The following MAMLD1 variants were observed in gnomAD, a reference collection of about 807,000 sequenced individuals.
The protein encoded by MAMLD1 is mastermind-like domain-containing protein 1.
In MAMLD1, 14 loss-of-function variants were observed where a neutral mutation model predicts 45.0. The ratio of observed to expected loss-of-function variants is 0.31; its 90% CI spans 0.21 to 0.49. The LOEUF (loss-of-function observed/expected upper bound fraction) is 0.49. MAMLD1 is among the 20% of genes least tolerant of loss of function. MAMLD1 has a pLI of 0.99. For missense variants in MAMLD1, 543 were observed against 603.6 expected (o/e 0.90, Z 1.05); for synonymous variants, 254 against 247.8 (o/e 1.02, Z -0.24).
chrX:150,474,170 C>G (rs1347472317), intron 5 of MAMLD1, among the ~76,000 whole-genome samples: 2 of 111,754 alleles, frequency 1.8e-5, no homozygotes, highest in East Asian at 5.7e-4. Flanking sequence ...CATTTTAATC[C>G]TCAGAGGCAG....
At chrX:150,369,682 G>A (rs1160869644) in intron 1 of MAMLD1, among the ~76,000 whole-genome samples, 3 of 111,937 alleles carry the variant, frequency 2.7e-5, no homozygotes, top group Non-Finnish European at 1.9e-5. Flanking sequence ...GAGTAGACTG[G>A]CATATTTCCA....
At chrX:150,423,896 G>A (rs1224562898) in intron 1 of MAMLD1, among the ~76,000 whole-genome samples, 1 of 112,295 alleles carries the variant, frequency 8.9e-6, no homozygotes, top group Non-Finnish European at 1.9e-5. Context: ...TTATAGCATA[G>A]GAAAAGATGA....
chrX:150,461,677 G>A lies in MAMLD1; in HGVS notation c.97-1095G>A, dbSNP rs5969852. On this transcript the variant is annotated intron_variant, in intron 2 of 7. Transcript: ENST00000370401. ...AGGCCCCTTGCTGAAGTGCTGCATG[G>A]GACGGAGAAGACCAAACCAATTGGA... 1.2e-3 allele frequency among the ~76,000 whole-genome samples: 130 copies of A among 111,602 alleles called. 1 individual carries two copies. Among genetic ancestry groups the A allele is most frequent in the African/African-American group, 3.9e-3 (120 of 30,695 alleles).
chrX:150,403,992 G>GAA (rs1442737805), intron 1 of MAMLD1, among the ~76,000 whole-genome samples: 5 of 93,305 alleles, frequency 5.4e-5, no homozygotes, highest in Admixed American at 1.2e-4. Flanking sequence ...AAGAAAGAAA[G>GAA]AAAGAAGAAA....
intron 5 of MAMLD1, among the ~76,000 whole-genome samples, chrX:150,478,633 A>G (rs922846193): frequency 8.9e-6 from 1 of 112,683 alleles, no homozygotes; most frequent in Admixed American, 9.4e-5. Flanking sequence ...TCCACCAGTC[A>G]AATGATAAGT....
chrX:150,412,422 T>C (rs1184842805), intron 1 of MAMLD1, among the ~76,000 whole-genome samples: 1 of 110,965 alleles, frequency 9.0e-6, no homozygotes, highest in Non-Finnish European at 1.9e-5. Context: ...CATCAGGCTC[T>C]TTCCCTTCTT....
intron 1 of MAMLD1, among the ~76,000 whole-genome samples, chrX:150,367,868 G>A (rs1370004164): frequency 9.0e-6 from 1 of 111,529 alleles, no homozygotes; most frequent in African/African-American, 3.3e-5. Flanking sequence ...CTTCATCCAT[G>A]TCCCTACAAA....
intron 1 of MAMLD1, among the ~76,000 whole-genome samples, chrX:150,442,806 G>C (rs1263239153): frequency 9.0e-6 from 1 of 111,393 alleles, no homozygotes; most frequent in Non-Finnish European, 1.9e-5. Flanking sequence ...TCTGCTTAGA[G>C]AATTTTCTTT....
rs56066792 is a variant in MAMLD1, at chrX:150,507,023, C to T, written c.2285-2939C>T. On this transcript the variant is annotated intron_variant, in intron 6 of 7. Coordinates refer to ENST00000370401, the MANE Select transcript of MAMLD1 (RefSeq NM_005491.5). ...GGGTGTGACAGAGGAAGAGCTGGGC[C>T]TTAGTTCTCTGGGGGTCACCATGAG... is the stretch of plus-strand genomic sequence containing the variant. Among the ~76,000 whole-genome samples, 7 of 111,954 alleles carry T rather than the reference C, an allele frequency of 6.3e-5. No homozygotes were observed. The Admixed American group carries it at 6.6e-4, about 11-fold the overall frequency.
intron 1 of MAMLD1, among the ~76,000 whole-genome samples, chrX:150,365,435 G>A (rs1050639592): frequency 4.4e-5 from 5 of 113,042 alleles, no homozygotes; most frequent in Non-Finnish European, 7.5e-5. Context: ...GCTGGCGGGC[G>A]CGCGCAGAGG....
At chrX:150,403,504 T>C (rs1402247683) in intron 1 of MAMLD1, among the ~76,000 whole-genome samples, 2 of 111,987 alleles carry the variant, frequency 1.8e-5, no homozygotes, top group East Asian at 5.6e-4. Context: ...CTTGAAATCA[T>C]ATTTTTGTAC....
intron 5 of MAMLD1, among the ~76,000 whole-genome samples, chrX:150,488,499 C>T (rs1328784294): frequency 8.9e-6 from 1 of 112,798 alleles, no homozygotes; most frequent in Non-Finnish European, 1.9e-5. Context: ...ATCACCATTG[C>T]TATAATTCTC....
At chrX:150,402,922 T>G (rs1439725755) in intron 1 of MAMLD1, among the ~76,000 whole-genome samples, 10 of 109,261 alleles carry the variant, frequency 9.2e-5, no homozygotes, top group African/African-American at 3.4e-4. Context: ...GGGACTGTTG[T>G]GGGGTGGGGG....
At chrX:150,428,036 G>A (rs782199704) in intron 1 of MAMLD1, among the ~76,000 whole-genome samples, 14 of 111,097 alleles carry the variant, frequency 1.3e-4, no homozygotes, top group East Asian at 8.6e-4. Flanking sequence ...GCAAGAGGTC[G>A]TAGATAATGT....
chrX:150,365,741 C>G (rs2031387898), intron 1 of MAMLD1, among the ~76,000 whole-genome samples: 1 of 112,654 alleles, frequency 8.9e-6, no homozygotes. Flanking sequence ...TTTGGAGGCG[C>G]GGAGGCAGTG....
At chrX:150,402,951 T>C (rs989936675) in intron 1 of MAMLD1, among the ~76,000 whole-genome samples, 3 of 110,304 alleles carry the variant, frequency 2.7e-5, no homozygotes, top group African/African-American at 9.9e-5. Flanking sequence ...AGGGATGGCA[T>C]TGGGAGATAT....
intron 5 of MAMLD1, among the ~76,000 whole-genome samples, chrX:150,496,624 A>G (rs1383570072): frequency 8.9e-6 from 1 of 112,212 alleles, no homozygotes; most frequent in Admixed American, 9.4e-5. Flanking sequence ...GTTGTTGGCT[A>G]CTAAAACTCT....
chrX:150,453,388 A>G lies in MAMLD1; in HGVS notation c.96+7776A>G, dbSNP rs139594151. On this transcript the variant is annotated intron_variant, in intron 2 of 7. Transcript: ENST00000370401. ...AGAAGTTTGCCAACACTTGGTCTGT[A>G]TCACTGGGCATTTGGTTCATTTGTT... Among the ~76,000 whole-genome samples, 311 of 111,933 alleles carry G rather than the reference A, an allele frequency of 2.8e-3. 2 individuals are homozygous for G. Among genetic ancestry groups the G allele is most frequent in the African/African-American group, 9.4e-3 (291 of 30,803 alleles).
intron 1 of MAMLD1, among the ~76,000 whole-genome samples, chrX:150,429,842 C>A (rs1281574941): frequency 3.7e-5 from 4 of 109,206 alleles, no homozygotes; most frequent in African/African-American, 1.3e-4. Flanking sequence ...TTTAGCTTAG[C>A]CACTCTGTTA....
Sources: allele counts gnomAD v4.1 joint callset (sites outside exome capture counted in the v4.1 genomes callset), GRCh38; gene constraint gnomAD v4.1.1; transcripts MANE v1.5; gene names NCBI Gene and HGNC (gene_info 2026-07-23, HGNC 2026-07-21).